ZC3H12B: variants seen among roughly 807,000 people sequenced by gnomAD.
ZC3H12B encodes the protein zinc finger CCCH-type containing 12B, also known as probable ribonuclease ZC3H12B.
In ZC3H12B, 7 loss-of-function variants were observed where a neutral mutation model predicts 43.9. The observed-to-expected ratio is 0.16, with a 90% CI of 0.09 to 0.30. The LOEUF (loss-of-function observed/expected upper bound fraction) is 0.30, where lower values mean the gene tolerates loss of function less well. Ranked by LOEUF, ZC3H12B falls within the 10% of genes least tolerant of loss-of-function variation. ZC3H12B has a pLI of 1.00. For missense variants in ZC3H12B, 475 were observed against 670.2 expected (o/e 0.71, Z 3.22); for synonymous variants, 222 against 241.7 (o/e 0.92, Z 0.76).
the ZC3H12B span, among the ~76,000 whole-genome samples, chrX:65,133,108 G>A: frequency 9.0e-6 from 1 of 111,292 alleles, no homozygotes; most frequent in Non-Finnish European, 1.9e-5. Flanking sequence ...AAGATCCTCG[G>A]GCAGGCAGTC....
At chrX:65,153,830 C>G in the ZC3H12B span, among the ~76,000 whole-genome samples, 33 of 108,795 alleles carry the variant, frequency 3.0e-4, no homozygotes, top group East Asian at 1.4e-3. Flanking sequence ...GGAACCAACC[C>G]AAATGTCCAA....
chrX:65,472,275 T>G (rs760425197), intron 3 of ZC3H12B, among the ~76,000 whole-genome samples: 30 of 112,146 alleles, frequency 2.7e-4, no homozygotes, highest in African/African-American at 9.7e-4. Flanking sequence ...TCTCAATATA[T>G]TTTGGATGTT....
chrX:65,124,007 G>C, the ZC3H12B span, among the ~76,000 whole-genome samples: 1 of 110,525 alleles, frequency 9.0e-6, no homozygotes, highest in African/African-American at 3.3e-5. Flanking sequence ...GAGTTCTCTG[G>C]CTAGACTTCC....
At chrX:65,286,184 T>C in the ZC3H12B span, among the ~76,000 whole-genome samples, 1 of 111,920 alleles carries the variant, frequency 8.9e-6, no homozygotes, top group Middle Eastern at 4.6e-3. Context: ...AACAATGAAC[T>C]GGATAAAGCA....
the ZC3H12B span, among the ~76,000 whole-genome samples, chrX:65,329,271 G>A: frequency 4.5e-5 from 5 of 111,316 alleles, no homozygotes; most frequent in Non-Finnish European, 7.5e-5. Flanking sequence ...TCTCATTGTG[G>A]TTTTGATTTG....
chrX:65,327,995 G>C, the ZC3H12B span: 1 of 237,986 alleles, frequency 4.2e-6, no homozygotes, highest in African/African-American at 2.9e-5. Flanking sequence ...CTCTCACACA[G>C]CTTTACAGTG....
At chrX:65,469,448 T>C (rs2067875705) in intron 3 of ZC3H12B, 3 of 454,944 alleles carry the variant, frequency 6.6e-6, no homozygotes, top group Non-Finnish European at 1.2e-5. Flanking sequence ...TGGGCCTCAA[T>C]GACTCCATGC....
intron 3 of ZC3H12B, among the ~76,000 whole-genome samples, chrX:65,459,843 G>T (rs1264909597): frequency 9.0e-6 from 1 of 111,497 alleles, no homozygotes; most frequent in Admixed American, 9.5e-5. Flanking sequence ...ACATAGTGTT[G>T]GACGTTCTGG....
rs146176342 is a variant in ZC3H12B at position 65,459,139 on chromosome X, C to G, written n.408-29507C>G. Among the ~76,000 whole-genome samples, 581 of 112,046 alleles carry G rather than the reference C, an allele frequency of 5.2e-3. 8 individuals carry two copies. Among genetic ancestry groups the G allele is most frequent in the African/African-American group, 0.018 (554 of 30,803 alleles). ...ATGGATAAATTCCTCGACACATACA[C>G]TCTCCCAAGACTAAACCAGGAAGAA... On this transcript the variant is annotated intron_variant and non_coding_transcript_variant, in intron 3 of 5. Coordinates refer to the ZC3H12B transcript ENST00000617377.
At chrX:65,195,563 T>C in the ZC3H12B span, among the ~76,000 whole-genome samples, 3 of 112,382 alleles carry the variant, frequency 2.7e-5, no homozygotes, top group African/African-American at 9.7e-5. Context: ...CTTGAAAAGA[T>C]ATTGTATTTT....
chrX:65,376,923 A>G (rs1569381645), intron 2 of ZC3H12B, among the ~76,000 whole-genome samples: 2 of 111,029 alleles, frequency 1.8e-5, no homozygotes, highest in East Asian at 5.7e-4. Flanking sequence ...CAAACTAAAT[A>G]AGGCACCAGG....
At chrX:65,211,706 A>T in the ZC3H12B span, among the ~76,000 whole-genome samples, 1 of 89,181 alleles carries the variant, frequency 1.1e-5, no homozygotes, top group African/African-American at 4.1e-5. Context: ...TATAATATAT[A>T]ATATATATTA....
chrX:65,393,033 A>G (rs2066647354), intron 2 of ZC3H12B, among the ~76,000 whole-genome samples: 1 of 111,497 alleles, frequency 9.0e-6, no homozygotes, highest in South Asian at 3.8e-4. Context: ...TTTGTTAAAC[A>G]GATGCTTGAA....
intron 2 of ZC3H12B, among the ~76,000 whole-genome samples, chrX:65,395,375 T>A (rs1262030172): frequency 8.9e-6 from 1 of 112,019 alleles, no homozygotes; most frequent in African/African-American, 3.2e-5. Flanking sequence ...TTTTGAGATA[T>A]GTTCCATCAG....
the ZC3H12B span, among the ~76,000 whole-genome samples, chrX:65,128,363 G>C: frequency 1.8e-5 from 2 of 111,972 alleles, no homozygotes; most frequent in Admixed American, 1.9e-4. Flanking sequence ...AGTGTTTGTA[G>C]ATTTTCCTAT....
At chrX:65,379,711 A>C (rs2066407629) in intron 2 of ZC3H12B, among the ~76,000 whole-genome samples, 2 of 111,948 alleles carry the variant, frequency 1.8e-5, no homozygotes, top group South Asian at 7.4e-4. Context: ...AACTTTGAAA[A>C]AAATTTAGAC....
intron 2 of ZC3H12B, among the ~76,000 whole-genome samples, chrX:65,382,352 C>T (rs1376331371): frequency 1.8e-5 from 2 of 110,265 alleles, no homozygotes; most frequent in Non-Finnish European, 3.8e-5. Flanking sequence ...AGACAAAAAC[C>T]ACATGATTAT....
chrX:65,483,948 C>T (rs774173776), upstream of ZC3H12B, among the ~76,000 whole-genome samples: 10 of 111,771 alleles, frequency 8.9e-5, no homozygotes, highest in Non-Finnish European at 1.9e-4. Flanking sequence ...CTTTTTATGG[C>T]TACATAGTAT....
chrX:65,275,487 A>G, the ZC3H12B span, among the ~76,000 whole-genome samples: 1 of 113,039 alleles, frequency 8.8e-6, no homozygotes, highest in African/African-American at 3.2e-5. Context: ...TCATGCATGT[A>G]TTCCTTACCT....
Sources: gnomAD v4.1 joint callset for allele counts (sites outside exome capture counted in the v4.1 genomes callset) on GRCh38, gnomAD v4.1.1 for gene constraint, MANE v1.5 for transcripts, NCBI Gene and HGNC (gene_info 2026-07-23, HGNC 2026-07-21) for gene names.